PSD3: variants seen among roughly 807,000 people sequenced by gnomAD.
PSD3 encodes PH and SEC7 domain-containing protein 3.
A neutral mutation model predicts 105.5 loss-of-function variants in PSD3; 49 were observed. The observed-to-expected ratio is 0.46, with a 90% confidence interval of 0.37 to 0.59. The LOEUF is 0.59. PSD3 is among the 20% of genes least tolerant of loss of function. PSD3 has a pLI of 0.00. For synonymous variants in PSD3, 557 were observed against 457.8 expected, an observed-to-expected ratio of 1.22 and a Z score of -2.77; for missense variants, 1,561 against 1,263.8, an observed-to-expected ratio of 1.24 and a Z score of -3.57.
chr8:18,813,307 G>A (rs1396959258), intron 4 of PSD3, among the ~76,000 whole-genome samples: 6 of 152,154 alleles, frequency 3.9e-5, no homozygotes, highest in Admixed American at 3.9e-4. Context: ...ACTCGTGGAA[G>A]ACCAGGAGTT....
chr8:18,949,497 C>T (rs1168002890), intron 1 of PSD3, among the ~76,000 whole-genome samples: 1 of 151,554 alleles, frequency 6.6e-6, no homozygotes, highest in Admixed American at 6.6e-5. Flanking sequence ...ATAATCATTG[C>T]ATTAATTTCT....
chr8:18,547,317 G>A (rs1248487144), intron 15 of PSD3, among the ~76,000 whole-genome samples: 1 of 152,212 alleles, frequency 6.6e-6, no homozygotes, highest in East Asian at 1.9e-4. Flanking sequence ...AAGCAATGTA[G>A]CTGTGTGAAC....
intron 11 of PSD3, among the ~76,000 whole-genome samples, chr8:18,620,756 A>G (rs1806055391): frequency 6.6e-6 from 1 of 152,222 alleles, no homozygotes; most frequent in Admixed American, 6.5e-5. Context: ...TGATATTTCC[A>G]TTAACATTAG....
chr8:18,589,358 C>A (rs777408737), intron 12 of PSD3, among the ~76,000 whole-genome samples: 1 of 152,106 alleles, frequency 6.6e-6, no homozygotes, highest in South Asian at 2.1e-4. Flanking sequence ...TAGAAGGATG[C>A]GGCAAATCAT....
In PSD3 at chr8:19,044,058, C is replaced by T. The variant is rs80035908; in HGVS notation, c.324+40148G>A. ...CTGCCTGCCCCTACTGCACAGGCCT[C>T]AGAGCCACCCACCTCAACTCTGGTT... On this transcript the variant is annotated intron_variant, in intron 1 of 1. Transcript: ENST00000521475. Among the ~76,000 whole-genome samples the T allele has an allele frequency of 6.2e-3, 945 of 152,304 alleles. 15 individuals are homozygous for T. Among genetic ancestry groups the T allele is most frequent in the African/African-American group, 0.022 (901 of 41,562 alleles).
chr8:18,763,168 A>T (rs940121002), intron 9 of PSD3: 1 of 409,438 alleles, frequency 2.4e-6, no homozygotes, highest in East Asian at 7.2e-5. Context: ...GAACCAAATT[A>T]ATCTAAAAGT....
chr8:18,610,942 A>G (rs1805218291), intron 11 of PSD3, among the ~76,000 whole-genome samples: 1 of 152,216 alleles, frequency 6.6e-6, no homozygotes, highest in South Asian at 2.1e-4. Context: ...AAAAATCTAT[A>G]CAATGAATCT....
At chr8:18,903,043 G>C (rs970294113) in intron 2 of PSD3, among the ~76,000 whole-genome samples, 2 of 152,148 alleles carry the variant, frequency 1.3e-5, no homozygotes, top group African/African-American at 4.8e-5. Flanking sequence ...CTGCATCTTG[G>C]AGTGCGAACT....
intron 1 of PSD3, among the ~76,000 whole-genome samples, chr8:19,079,825 T>G (rs531769483): frequency 6.6e-6 from 1 of 152,180 alleles, no homozygotes; most frequent in South Asian, 2.1e-4. Flanking sequence ...TAGGTAAGTT[T>G]CCTGTAGTGA....
At chr8:18,609,294 G>T (rs928623794) in intron 11 of PSD3, among the ~76,000 whole-genome samples, 24 of 152,254 alleles carry the variant, frequency 1.6e-4, no homozygotes, top group African/African-American at 5.8e-4. Flanking sequence ...AATCCTGCCA[G>T]GCCAAGAAAC....
chr8:18,839,107 T>G (rs1814398260), intron 4 of PSD3, among the ~76,000 whole-genome samples: 1 of 151,824 alleles, frequency 6.6e-6, no homozygotes, highest in African/African-American at 2.4e-5. Context: ...CTGAGCTCTC[T>G]CCCAAACAGC....
intron 1 of PSD3, among the ~76,000 whole-genome samples, chr8:19,061,583 G>A (rs554067894): frequency 6.6e-6 from 1 of 152,114 alleles, no homozygotes; most frequent in East Asian, 1.9e-4. Flanking sequence ...CAAGGTGGGC[G>A]GATCAAGAGG....
chr8:18,666,090 C>T (rs1906320), intron 9 of PSD3, among the ~76,000 whole-genome samples: 49,659 of 151,978 alleles, frequency 0.33, 10,162 homozygotes, highest in Non-Finnish European at 0.47. Context: ...TGTGTGTCAC[C>T]CAGGCTGGAC....
chr8:18,669,907 T>G (rs1011204215), intron 9 of PSD3, among the ~76,000 whole-genome samples: 9 of 152,230 alleles, frequency 5.9e-5, no homozygotes. Flanking sequence ...AACCATTCAT[T>G]TATTCATTCA....
At chr8:18,617,307 A>C (rs1805768720) in intron 11 of PSD3, among the ~76,000 whole-genome samples, 1 of 152,110 alleles carries the variant, frequency 6.6e-6, no homozygotes, top group African/African-American at 2.4e-5. Context: ...GAGGTGGGTG[A>C]ATCACCTGAG....
intron 11 of PSD3, among the ~76,000 whole-genome samples, chr8:18,606,610 T>C (rs1473051582): frequency 6.6e-6 from 1 of 152,220 alleles, no homozygotes; most frequent in Non-Finnish European, 1.5e-5. Context: ...AACTTTGTTA[T>C]CTAGGAAGAA....
intron 15 of PSD3, among the ~76,000 whole-genome samples, chr8:18,545,728 C>G (rs926112528): frequency 6.6e-6 from 1 of 152,162 alleles, no homozygotes; most frequent in Non-Finnish European, 1.5e-5. Flanking sequence ...CTTTGCTTTT[C>G]CTTCTGATTG....
At chr8:18,807,281 G>A (rs532398129) in intron 4 of PSD3, among the ~76,000 whole-genome samples, 3 of 152,300 alleles carry the variant, frequency 2.0e-5, no homozygotes, top group African/African-American at 7.2e-5. Flanking sequence ...CAACCAGCTG[G>A]TATAACAAGT....
chr8:18,827,681 G>GGGTCGA (rs1813311229), intron 4 of PSD3, among the ~76,000 whole-genome samples: 1 of 152,104 alleles, frequency 6.6e-6, no homozygotes, highest in South Asian at 2.1e-4. Context: ...ACTCCTGCAA[G>GGGTCGA]GGTCGAGGTG....
Sources: gnomAD v4.1 joint callset for allele counts (sites outside exome capture counted in the v4.1 genomes callset) on GRCh38, gnomAD v4.1.1 for gene constraint, MANE v1.5 for transcripts, NCBI Gene and HGNC (gene_info 2026-07-23, HGNC 2026-07-21) for gene names.